WDPCP: variants seen among roughly 807,000 people sequenced by gnomAD.
The protein encoded by WDPCP is WD repeat containing planar cell polarity effector, also known as WD repeat-containing and planar cell polarity effector protein fritz homolog.
In WDPCP, 71 loss-of-function variants were observed where a neutral mutation model predicts 93.1. The ratio of observed to expected loss-of-function variants is 0.76; its 90% CI spans 0.63 to 0.93. The LOEUF (loss-of-function observed/expected upper bound fraction) is 0.93. Ranked by LOEUF, WDPCP falls within the 40% of genes least tolerant of loss-of-function variation. The pLI is 0.00. For missense variants in WDPCP, 844 were observed against 887.4 expected, an observed-to-expected ratio of 0.95 and a Z score of 0.62; for synonymous variants, 315 against 315.0, an observed-to-expected ratio of 1.00 and a Z score of 0.00.
At chr2:63,122,150 G>C (rs548053304) in intron 17 of WDPCP, 94 bp from the exon 18 acceptor site, 6 of 1,032,522 alleles carry the variant, frequency 5.8e-6, no homozygotes, top group Non-Finnish European at 8.9e-6. Context: ...CTGAAAAATA[G>C]TGAAACAAAA....
chr2:63,530,574 A>G (rs1703752582), intron 1 of WDPCP, among the ~76,000 whole-genome samples: 2 of 152,216 alleles, frequency 1.3e-5, no homozygotes, highest in South Asian at 4.1e-4. Context: ...ATTAAGGTTC[A>G]GAGAGCCAGT....
chr2:63,576,819 T>C (rs1463793855), intron 1 of WDPCP, among the ~76,000 whole-genome samples: 1 of 152,186 alleles, frequency 6.6e-6, no homozygotes, highest in Non-Finnish European at 1.5e-5. Flanking sequence ...TGGGTTGTTG[T>C]GTGCCAGGAA....
At chr2:63,381,625 TTCTG>T (rs1558547828) in intron 11 of WDPCP, among the ~76,000 whole-genome samples, 2 of 152,172 alleles carry the variant, frequency 1.3e-5, no homozygotes, top group Non-Finnish European at 2.9e-5. Context: ...TCTGAGCATG[TTCTG>T]TCTGTGAGCT....
chr2:63,434,767 C>T (rs565236569), intron 8 of WDPCP, among the ~76,000 whole-genome samples: 1 of 152,222 alleles, frequency 6.6e-6, no homozygotes, highest in African/African-American at 2.4e-5. Context: ...AGGGGGTCTT[C>T]TTATCAGAGA....
chr2:63,471,702 C>T (rs888780202), intron 6 of WDPCP, among the ~76,000 whole-genome samples: 3 of 152,166 alleles, frequency 2.0e-5, no homozygotes, highest in African/African-American at 7.2e-5. Context: ...ACCTCCCATT[C>T]CCTGCCCCTA....
chr2:63,304,807 G>A (rs538706355), intron 13 of WDPCP, among the ~76,000 whole-genome samples: 27 of 152,236 alleles, frequency 1.8e-4, no homozygotes, highest in African/African-American at 4.1e-4. Flanking sequence ...CTAGCTCAGC[G>A]GATCCCACCC....
At chr2:63,251,401 T>G (rs1225530583) in intron 14 of WDPCP, among the ~76,000 whole-genome samples, 1 of 145,030 alleles carries the variant, frequency 6.9e-6, no homozygotes, top group East Asian at 2.0e-4. Context: ...ACACACAACC[T>G]CCCAAGATTG....
At chr2:63,252,842 C>A (rs1479179389) in intron 14 of WDPCP, among the ~76,000 whole-genome samples, 3 of 152,112 alleles carry the variant, frequency 2.0e-5, no homozygotes, top group Admixed American at 1.3e-4. Flanking sequence ...CTGCCCAAAG[C>A]AATCTATGGA....
At chr2:63,539,773 C>T (rs1704574669) in intron 1 of WDPCP, among the ~76,000 whole-genome samples, 1 of 152,156 alleles carries the variant, frequency 6.6e-6, no homozygotes, top group Non-Finnish European at 1.5e-5. Flanking sequence ...TTCCAGTAAA[C>T]TATTCTATCA....
chr2:63,621,358 A>G (rs897148333), intron 3 of WDPCP, among the ~76,000 whole-genome samples: 19 of 152,008 alleles, frequency 1.2e-4, no homozygotes, highest in Non-Finnish European at 1.2e-4. Flanking sequence ...GAAAAACAGC[A>G]CAAGAACTTC....
At chr2:63,353,480 G>A (rs929014612) in intron 12 of WDPCP, among the ~76,000 whole-genome samples, 8 of 152,148 alleles carry the variant, frequency 5.3e-5, no homozygotes, top group Non-Finnish European at 8.8e-5. Flanking sequence ...CTGAGAAGGC[G>A]CTCCTGGTGG....
chr2:63,607,212 G>A, intron 3 of WDPCP: 1 of 286,534 alleles, frequency 3.5e-6, no homozygotes, highest in Non-Finnish European at 6.5e-6. Context: ...CTCAGACTCT[G>A]TTTCTAGCTA....
intron 6 of WDPCP, among the ~76,000 whole-genome samples, chr2:63,449,373 C>T (rs1172758013): frequency 6.6e-6 from 1 of 151,992 alleles, no homozygotes; most frequent in Non-Finnish European, 1.5e-5. Context: ...CATCAGATAC[C>T]CCCCCACTTT....
intron 6 of WDPCP, chr2:63,440,943 G>C (rs1697463321): frequency 6.6e-6 from 1 of 152,164 alleles, no homozygotes; most frequent in African/African-American, 2.4e-5. Flanking sequence ...AGCAGCATGA[G>C]GGACCAGGGT....
chr2:63,242,821 G>T (rs1679965559), intron 14 of WDPCP, among the ~76,000 whole-genome samples: 1 of 152,074 alleles, frequency 6.6e-6, no homozygotes, highest in Non-Finnish European at 1.5e-5. Flanking sequence ...ACAACTCCTG[G>T]GTTGTAGCCT....
chr2:63,734,423 C>G (rs1186007507), intron 2 of WDPCP, among the ~76,000 whole-genome samples: 2 of 151,812 alleles, frequency 1.3e-5, no homozygotes, highest in Non-Finnish European at 2.9e-5. Context: ...ATCTTGTGAC[C>G]AGTTATCTAC....
chr2:63,606,013 C>G (rs1374130547), intron 3 of WDPCP: 1 of 1,613,762 alleles, frequency 6.2e-7, no homozygotes, highest in African/African-American at 1.3e-5. Flanking sequence ...TCTACTCATT[C>G]CCTGTTGTAA....
At chr2:63,692,599 T>C (rs1323394879) in intron 2 of WDPCP, among the ~76,000 whole-genome samples, 1 of 152,206 alleles carries the variant, frequency 6.6e-6, no homozygotes, top group Non-Finnish European at 1.5e-5. Context: ...CATTATTTAT[T>C]CAGATCTAAA....
intron 12 of WDPCP, among the ~76,000 whole-genome samples, 184 bp from the exon 13 acceptor site, chr2:63,313,495 GC>G (rs1333800295): frequency 6.6e-6 from 1 of 152,152 alleles, no homozygotes; most frequent in Non-Finnish European, 1.5e-5. Flanking sequence ...TTTAGGAGGG[GC>G]TGAGGCGCAG....
Sources: allele counts gnomAD v4.1 joint callset (sites outside exome capture counted in the v4.1 genomes callset), GRCh38; gene constraint gnomAD v4.1.1; transcripts MANE v1.5; gene names NCBI Gene and HGNC (gene_info 2026-07-23, HGNC 2026-07-21).